LEPR: variants seen among roughly 807,000 people sequenced by gnomAD.
LEPR encodes the protein leptin receptor.
LEPR carries 56 observed loss-of-function variants against 114.7 expected under a neutral mutation model. The ratio of observed to expected loss-of-function variants is 0.49; its 90% CI spans 0.39 to 0.61. The LOEUF (loss-of-function observed/expected upper bound fraction) is 0.61. Among genes scored for constraint, LEPR ranks in the 20% least tolerant of loss-of-function variants. The pLI is 0.00. For synonymous variants in LEPR, 443 were observed against 461.4 expected, an observed-to-expected ratio of 0.96 and a Z score of 0.51; for missense variants, 1,202 against 1,352.9, an observed-to-expected ratio of 0.89 and a Z score of 1.75.
intron 2 of LEPR, among the ~76,000 whole-genome samples, chr1:65,498,787 A>T (rs189065855): frequency 6.6e-6 from 1 of 152,146 alleles, no homozygotes; most frequent in Non-Finnish European, 1.5e-5. Context: ...GCTTGACTCC[A>T]TAATATTTTA....
chr1:65,565,703 T>G, intron 3 of LEPR, 98 bp downstream of exon 3: 2 of 1,409,820 alleles, frequency 1.4e-6, no homozygotes, highest in Admixed American at 1.8e-5. Flanking sequence ...CAGAATTTCC[T>G]ATTTCTAGTT....
chr1:65,571,971 C>CAAAAAAAAAAAAAAAAAAAAAAAA (rs72311704), intron 4 of LEPR, among the ~76,000 whole-genome samples: 1 of 60,682 alleles, frequency 1.6e-5, no homozygotes, highest in Non-Finnish European at 2.9e-5. Context: ...CACCCCATCT[C>CAAAAAAAAAAAAAAAAAAAAAAAA]AAAAAAAAAA....
rs140037152 is a variant in LEPR, at chr1:65,425,118, G to T, written c.-96-185G>T. On this transcript the variant is annotated intron_variant, in intron 1 of 19. Coordinates refer to ENST00000349533, the MANE Select transcript of LEPR (RefSeq NM_002303.6). Reference sequence around the variant, plus strand: ...TAAAATTAACATTCTTAAAGTGTAAGATTTCATGGTTTTTAGTATATTCAG... The same window carrying T: ...TAAAATTAACATTCTTAAAGTGTAATATTTCATGGTTTTTAGTATATTCAG... 2.7e-3 allele frequency among the ~76,000 whole-genome samples: 411 copies of T among 152,124 alleles called. 1 individual carries two copies. The highest frequency in any genetic ancestry group is 9.7e-3 in the African/African-American group (401 of 41,488).
chr1:65,620,062 G>T (rs200928770), intron 17 of LEPR, 39 bp downstream of exon 17: 1 of 1,471,432 alleles, frequency 6.8e-7, no homozygotes, highest in Non-Finnish European at 9.5e-7. Flanking sequence ...ACACCAATGT[G>T]TGTGCCTAAT....
chr1:65,555,156 C>T (rs867153041), intron 2 of LEPR, among the ~76,000 whole-genome samples: 4 of 152,140 alleles, frequency 2.6e-5, no homozygotes, highest in Admixed American at 6.5e-5. Flanking sequence ...TGTTCCTATT[C>T]AGCCATCTTG....
At chr1:65,433,743 G>A (rs1322758898) in intron 2 of LEPR, 4 of 917,894 alleles carry the variant, frequency 4.4e-6, no homozygotes, top group African/African-American at 1.8e-5. Flanking sequence ...AATTTTAACC[G>A]GCATTTTTAA....
chr1:65,530,897 A>T (rs1650344693), intron 2 of LEPR, among the ~76,000 whole-genome samples: 1 of 151,544 alleles, frequency 6.6e-6, no homozygotes, highest in Non-Finnish European at 1.5e-5. Context: ...GGTGCCATCA[A>T]CTCTCACGTG....
chr1:65,610,039 G>A lies in LEPR; in HGVS notation c.1845G>A (p.Arg615=). 1.2e-6 allele frequency: 2 copies of A among 1,614,224 alleles called. No individual in the cohort carries two copies. The highest frequency in any genetic ancestry group is 1.7e-6 in the Non-Finnish European group (2 of 1,180,026). Residue 615 remains arginine, a synonymous_variant, in exon 13 of 20, where the codon AGG becomes AGA. Coordinates refer to ENST00000349533, the MANE Select transcript of LEPR (RefSeq NM_002303.6). ...ATGCTGTTCAGGTGCGCTGTAAGAG[G>A]CTAGATGGACTGGGATATTGGAGTA... The part of the protein sequence containing the change: ...AVYAVQVRCK[R]LDGLGYWSNW...
chr1:65,596,630 A>G (rs1206855975), intron 7 of LEPR, 37 bp downstream of exon 7: 1 of 1,586,528 alleles, frequency 6.3e-7, no homozygotes, highest in Non-Finnish European at 8.6e-7. Flanking sequence ...AAAAGTTGAG[A>G]AGTAAATAAA....
At chr1:65,554,959 G>C (rs1340506575) in intron 2 of LEPR, among the ~76,000 whole-genome samples, 1 of 152,108 alleles carries the variant, frequency 6.6e-6, no homozygotes, top group Non-Finnish European at 1.5e-5. Flanking sequence ...CCCTTGGCTA[G>C]GGGAGGGAGT....
chr1:65,640,902 G>C lies in LEPR; in HGVS notation c.*3887G>C, dbSNP rs753159566. ...CAGCCTCCCCAGTAGCTGGGATTACGGGCACACCACCATGCCCAGCTTTTA... is the reference window on the plus strand; with the variant it reads ...CAGCCTCCCCAGTAGCTGGGATTACCGGCACACCACCATGCCCAGCTTTTA... On this transcript the variant is annotated 3_prime_UTR_variant, in exon 20 of 20. Transcript: ENST00000349533. The C allele has an allele frequency of 5.9e-5, 9 of 151,422 alleles. No homozygotes were observed. Among genetic ancestry groups the C allele is most frequent in the Non-Finnish European group, 1.0e-4 (7 of 68,006 alleles). The allele number at this position is 151,422 out of a possible 1,614,324, so 9.4% of individuals were successfully genotyped here.
intron 2 of LEPR, 24 bp downstream of exon 2, chr1:65,425,402 C>T: frequency 6.4e-7 from 1 of 1,569,510 alleles, no homozygotes; most frequent in Non-Finnish European, 8.6e-7. Context: ...TCAAAAAGAA[C>T]TATTCCTCTT....
At chr1:65,607,118 C>T (rs942181522) in intron 11 of LEPR, among the ~76,000 whole-genome samples, 2 of 152,156 alleles carry the variant, frequency 1.3e-5, no homozygotes, top group Admixed American at 1.3e-4. Context: ...CCCTGGAACT[C>T]TATCGTCAGT....
rs114304289 is a variant in LEPR, at chr1:65,618,814, G to A, written c.2395+668G>A. Among the ~76,000 whole-genome samples, 774 of 151,966 alleles carry A rather than the reference G, an allele frequency of 5.1e-3. 7 individuals are homozygous for A. The highest frequency in any genetic ancestry group is 0.018 in the African/African-American group (732 of 41,446). ...ACTTAAACTGTTTGAGATTCTTTAT[G>A]TTGCTTCCAGCTTTATCTTTTCTTA... On this transcript the variant is annotated intron_variant, in intron 16 of 19. Coordinates refer to ENST00000349533, the MANE Select transcript of LEPR (RefSeq NM_002303.6).
At chr1:65,460,663 C>T (rs1328983791) in intron 2 of LEPR, among the ~76,000 whole-genome samples, 1 of 152,044 alleles carries the variant, frequency 6.6e-6, no homozygotes, top group Non-Finnish European at 1.5e-5. Flanking sequence ...TCGAGACCAG[C>T]CTGGCCAACA....
At chr1:65,505,411 A>C (rs1039378203) in intron 2 of LEPR, among the ~76,000 whole-genome samples, 1 of 152,104 alleles carries the variant, frequency 6.6e-6, no homozygotes, top group East Asian at 1.9e-4. Flanking sequence ...TCCCACATTA[A>C]TATGCTTTGG....
chr1:65,442,754 C>T (rs1177897049), intron 2 of LEPR, among the ~76,000 whole-genome samples: 1 of 152,164 alleles, frequency 6.6e-6, no homozygotes, highest in African/African-American at 2.4e-5. Context: ...CCTTCCCTGC[C>T]TCCAAAAACA....
At chr1:65,635,263 A>C in intron 19 of LEPR, 7 of 980,998 alleles carry the variant, frequency 7.1e-6, no homozygotes, top group Non-Finnish European at 8.5e-6. Context: ...TAGTTGTGTT[A>C]ATTTTTCAAG....
At chr1:65,526,076 C>T in intron 2 of LEPR, 2 of 975,752 alleles carry the variant, frequency 2.0e-6, no homozygotes, top group Non-Finnish European at 2.4e-6. Context: ...TGACAGCAGC[C>T]GGCAGCGCCT....
Sources: allele counts gnomAD v4.1 joint callset (sites outside exome capture counted in the v4.1 genomes callset), GRCh38; gene constraint gnomAD v4.1.1; transcripts MANE v1.5; gene names NCBI Gene and HGNC (gene_info 2026-07-23, HGNC 2026-07-21).